GTF2IRD1: variants seen among roughly 807,000 people sequenced by gnomAD.
GTF2IRD1 encodes the protein general transcription factor II-I repeat domain-containing protein 1.
A neutral mutation model predicts 113.2 loss-of-function variants in GTF2IRD1; 26 were observed. That is an observed-to-expected ratio of 0.23 (90% CI 0.17 to 0.32). The LOEUF (loss-of-function observed/expected upper bound fraction) is 0.32. GTF2IRD1 is among the 10% of genes least tolerant of loss of function. The probability of loss-of-function intolerance (pLI) is 1.00; values close to 1 mark genes in which losing one functional copy is unlikely to be tolerated. For synonymous variants in GTF2IRD1, 484 were observed against 529.1 expected (o/e 0.91, Z 1.17); for missense variants, 864 against 1,280.8 (o/e 0.67, Z 4.97).
At position 74,572,907 on chromosome 7, in the gene GTF2IRD1, C is replaced by T. The variant is rs1288157967; in HGVS notation, c.2320+13252C>T. ...GGGCTTGGAGGCCTTTGTGGGCAGA[C>T]GAGACGCCCTACTGCCGGGCCCAGA... is the stretch of plus-strand genomic sequence containing the variant. On this transcript the variant is annotated intron_variant, in intron 22 of 26. Coordinates refer to ENST00000424337, the MANE Select transcript of GTF2IRD1 (RefSeq NM_005685.4). 5.3e-5 allele frequency among the ~76,000 whole-genome samples: 8 copies of T among 152,204 alleles called. No individual in the cohort carries two copies. In the South Asian group the frequency reaches 8.3e-4, roughly 16 times the overall value.
intron 1 of GTF2IRD1, among the ~76,000 whole-genome samples, chr7:74,492,154 C>T (rs566467761): frequency 7.9e-5 from 12 of 151,946 alleles, no homozygotes; most frequent in Admixed American, 3.3e-4. Context: ...CAGGCACACA[C>T]TACCATTCCC....
intron 22 of GTF2IRD1, among the ~76,000 whole-genome samples, chr7:74,578,382 T>C (rs1554365129): frequency 6.6e-6 from 1 of 151,962 alleles, no homozygotes; most frequent in Non-Finnish European, 1.5e-5. Context: ...TTCACTGTGT[T>C]AGCCAGGATG....
At chr7:74,539,795 G>A in intron 13 of GTF2IRD1, 84 bp from the exon 14 acceptor site, 4 of 899,148 alleles carry the variant, frequency 4.4e-6, no homozygotes, top group Non-Finnish European at 7.4e-6. Context: ...TCTGTGGGGA[G>A]ACTGGGCTGG....
chr7:74,546,973 T>A, intron 16 of GTF2IRD1, 130 bp from the exon 17 acceptor site: 1 of 790,186 alleles, frequency 1.3e-6, no homozygotes, highest in Middle Eastern at 3.9e-4. Context: ...TCTTTCCACA[T>A]CCCAGGAAAG....
At chr7:74,590,770 G>A (rs2131008124) in intron 23 of GTF2IRD1, 55 bp from the exon 24 acceptor site, 3 of 1,237,386 alleles carry the variant, frequency 2.4e-6, no homozygotes, top group East Asian at 2.4e-5. Flanking sequence ...TCCCTAGAGG[G>A]CTTTGCCATT....
intron 1 of GTF2IRD1, among the ~76,000 whole-genome samples, chr7:74,480,967 T>A: frequency 6.6e-6 from 1 of 151,958 alleles, no homozygotes; most frequent in East Asian, 1.9e-4. Flanking sequence ...AGGCCTCAGA[T>A]CGGCTTCCCC....
chr7:74,570,362 C>CA (rs1174785376), intron 22 of GTF2IRD1, among the ~76,000 whole-genome samples: 7,219 of 90,018 alleles, frequency 0.08, 219 homozygotes, highest in Non-Finnish European at 0.088. Context: ...GACTCTGTCT[C>CA]AAAAAAAAAA....
chr7:74,576,076 A>G (rs587634889), intron 22 of GTF2IRD1, among the ~76,000 whole-genome samples: 11 of 151,592 alleles, frequency 7.3e-5, no homozygotes, highest in African/African-American at 2.4e-4. Context: ...TGGGAGGATG[A>G]CTTGAGCTCA....
intron 14 of GTF2IRD1, among the ~76,000 whole-genome samples, chr7:74,540,480 C>T (rs2130600496): frequency 6.6e-6 from 1 of 151,726 alleles, no homozygotes; most frequent in South Asian, 2.1e-4. Flanking sequence ...CAGCGTCCTT[C>T]CCAGGAGCCA....
intron 1 of GTF2IRD1, among the ~76,000 whole-genome samples, chr7:74,455,706 C>T (rs782011562): frequency 1.3e-5 from 2 of 152,118 alleles, no homozygotes; most frequent in African/African-American, 2.4e-5. Context: ...CAGGCTTGGC[C>T]CCAAGGTGAC....
At chr7:74,601,494 C>T (rs1448688113) in intron 26 of GTF2IRD1, 15 of 1,433,356 alleles carry the variant, frequency 1.0e-5, no homozygotes, top group Admixed American at 2.8e-5. Context: ...ACATGGCTGG[C>T]GGGTGCAGTG....
chr7:74,483,395 T>C (rs1451015265), intron 1 of GTF2IRD1, among the ~76,000 whole-genome samples: 1 of 152,038 alleles, frequency 6.6e-6, no homozygotes, highest in East Asian at 1.9e-4. Flanking sequence ...ATTTTTTTTT[T>C]AATTAGCTGG....
chr7:74,485,692 C>T (rs1234577933), intron 1 of GTF2IRD1, among the ~76,000 whole-genome samples: 3 of 151,914 alleles, frequency 2.0e-5, no homozygotes, highest in Admixed American at 6.6e-5. Flanking sequence ...GAGGCCGAGG[C>T]AGGTGGATCA....
intron 8 of GTF2IRD1, among the ~76,000 whole-genome samples, chr7:74,526,339 G>T (rs587593890): frequency 5.5e-4 from 84 of 152,298 alleles, no homozygotes; most frequent in Non-Finnish European, 1.1e-3. Flanking sequence ...GAAGGCAGCT[G>T]CCCAGTACTG....
At chr7:74,518,363 C>A in intron 5 of GTF2IRD1, 41 bp downstream of exon 5, 1 of 1,503,620 alleles carries the variant, frequency 6.7e-7, no homozygotes, top group Non-Finnish European at 9.0e-7. Context: ...TGGGGCTGGG[C>A]CAGGGCCGGG....
chr7:74,538,139 A>G lies in GTF2IRD1; in HGVS notation c.1413A>G (p.Ser471=), dbSNP rs1554350658. 3.7e-6 allele frequency: 6 copies of G among 1,612,018 alleles called. No individual in the cohort carries two copies. The South Asian group carries it at 6.6e-5, about 18-fold the overall frequency. The change falls in exon 12 of 27, where the codon TCA becomes TCG. Residue 471 remains serine (S), a synonymous_variant. Coordinates refer to ENST00000424337, the MANE Select transcript of GTF2IRD1 (RefSeq NM_005685.4). The stretch of plus-strand genomic sequence containing the variant: ...CATTTCCTGCTTCCCTTCACAGGTC[A>G]GACAAGGGCAGCATGTCTGAAGACT... The part of the protein sequence containing the change: ...TVLDLAGNAR[S]DKGSMSEDCG...
At chr7:74,480,888 T>A (rs1320008283) in intron 1 of GTF2IRD1, among the ~76,000 whole-genome samples, 1 of 152,110 alleles carries the variant, frequency 6.6e-6, no homozygotes, top group Non-Finnish European at 1.5e-5. Context: ...AATCCCGTCC[T>A]CCACGTGGAG....
At chr7:74,488,026 A>G in intron 1 of GTF2IRD1, among the ~76,000 whole-genome samples, 1 of 152,182 alleles carries the variant, frequency 6.6e-6, no homozygotes, top group Non-Finnish European at 1.5e-5. Flanking sequence ...TCACACTCAT[A>G]ATCTAGCACT....
Position 74,602,515 on chromosome 7 carries a change from T to C in GTF2IRD1, c.*82T>C. 8.6e-7 allele frequency: 1 copy of C among 1,166,338 alleles called. No individual in the cohort carries two copies. The highest frequency in any genetic ancestry group is 1.3e-6 in the Non-Finnish European group (1 of 789,798). The allele number at this position is 1,166,338 out of a possible 1,614,324, so 72.2% of individuals were successfully genotyped here. On this transcript the variant is annotated 3_prime_UTR_variant, in exon 27 of 27. Coordinates refer to ENST00000424337, the MANE Select transcript of GTF2IRD1 (RefSeq NM_005685.4). Reference sequence around the variant, plus strand: ...TACAAAATGTATATTCGGATATGTATCGATGCCTTTTAGTTTTTCCAATGA... The same window carrying C: ...TACAAAATGTATATTCGGATATGTACCGATGCCTTTTAGTTTTTCCAATGA...
Sources: gnomAD v4.1 joint callset for allele counts (sites outside exome capture counted in the v4.1 genomes callset) on GRCh38, gnomAD v4.1.1 for gene constraint, MANE v1.5 for transcripts, NCBI Gene and HGNC (gene_info 2026-07-23, HGNC 2026-07-21) for gene names.